UBR2: variants seen among roughly 807,000 people sequenced by gnomAD.
UBR2 encodes ubiquitin protein ligase E3 component n-recognin 2.
A neutral mutation model predicts 247.9 loss-of-function variants in UBR2; 92 were observed. That is an observed-to-expected ratio of 0.37 (90% CI 0.31 to 0.44). The LOEUF (loss-of-function observed/expected upper bound fraction) is 0.44. Among genes scored for constraint, UBR2 ranks in the 20% least tolerant of loss-of-function variants. UBR2 has a pLI of 1.00. For synonymous variants in UBR2, 672 were observed against 693.5 expected, an observed-to-expected ratio of 0.97 and a Z score of 0.49; for missense variants, 1,613 against 2,112.6, an observed-to-expected ratio of 0.76 and a Z score of 4.64.
Position 42,642,418 on chromosome 6 carries a change from T to G in UBR2, c.2034T>G (p.Ile678Met), listed in dbSNP as rs775501192. The G allele has an allele frequency of 6.2e-7, 1 of 1,600,174 alleles. No homozygotes were observed. Among genetic ancestry groups the G allele is most frequent in the South Asian group, 1.1e-5 (1 of 89,734 alleles). The change falls in exon 18 of 47, where the codon ATT becomes ATG. Residue 678 changes from isoleucine to methionine, a missense_variant and splice_region_variant. Ile to Met is a conservative substitution (Grantham distance 10, BLOSUM62 1). Coordinates refer to ENST00000372901, the MANE Select transcript of UBR2 (RefSeq NM_001363705.2). ...RRNGFSLVNQIYYYHNVKCRR... is the reference protein window; with the variant it reads ...RRNGFSLVNQMYYYHNVKCRR... Reference sequence around the variant, plus strand: ...AATATAATTACTTTTTTTTTTAGATTTATTACTACCATAATGTGAAATGCA... The same window carrying G: ...AATATAATTACTTTTTTTTTTAGATGTATTACTACCATAATGTGAAATGCA...
chr6:42,684,081 A>G (rs543615220), intron 43 of UBR2, among the ~76,000 whole-genome samples: 1 of 152,338 alleles, frequency 6.6e-6, no homozygotes. Flanking sequence ...GAATATCACA[A>G]TTTCATGTGA....
intron 17 of UBR2, among the ~76,000 whole-genome samples, chr6:42,642,116 T>G (rs996037571): frequency 4.4e-4 from 67 of 152,170 alleles, no homozygotes; most frequent in African/African-American, 1.5e-3. Flanking sequence ...TGGGGTGGTA[T>G]AGCCATAAAC....
At chr6:42,626,089 C>T (rs1424346192) in intron 11 of UBR2, among the ~76,000 whole-genome samples, 1 of 152,186 alleles carries the variant, frequency 6.6e-6, no homozygotes, top group Non-Finnish European at 1.5e-5. Context: ...GCTGGGATTA[C>T]AGGCGTGAGC....
At chr6:42,585,944 C>T (rs1174133250) in intron 2 of UBR2, among the ~76,000 whole-genome samples, 2 of 151,914 alleles carry the variant, frequency 1.3e-5, no homozygotes, top group Non-Finnish European at 2.9e-5. Context: ...TATTTTTTGA[C>T]CCACAGGTTA....
chr6:42,585,646 C>T (rs1331396475), intron 2 of UBR2, among the ~76,000 whole-genome samples: 1 of 151,980 alleles, frequency 6.6e-6, no homozygotes, highest in Non-Finnish European at 1.5e-5. Flanking sequence ...TTTATTTCAT[C>T]TTCTGTCAGT....
At chr6:42,616,607 C>T (rs1033790285) in intron 10 of UBR2, among the ~76,000 whole-genome samples, 21 of 149,254 alleles carry the variant, frequency 1.4e-4, no homozygotes, top group African/African-American at 5.2e-4. Flanking sequence ...GCAAATATTT[C>T]ATGCTAAGGA....
intron 20 of UBR2, 57 bp downstream of exon 20, chr6:42,644,593 A>G: frequency 2.1e-6 from 3 of 1,443,032 alleles, no homozygotes; most frequent in Non-Finnish European, 2.9e-6. Context: ...ATAGTAGCAA[A>G]TAGTTTGGAA....
chr6:42,581,001 GA>G (rs1791853590), intron 2 of UBR2, among the ~76,000 whole-genome samples: 6 of 122,604 alleles, frequency 4.9e-5, no homozygotes, highest in Admixed American at 4.5e-4. Context: ...GGTGGTTCTA[GA>G]ATTTTTTTTT....
At chr6:42,607,589 A>G (rs1025804378) in intron 7 of UBR2, among the ~76,000 whole-genome samples, 5 of 150,678 alleles carry the variant, frequency 3.3e-5, no homozygotes, top group African/African-American at 1.2e-4. Flanking sequence ...ATCTCCACTC[A>G]CTGCAACCTC....
In UBR2 at chr6:42,647,384, A is replaced by C. The variant is rs892194963; in HGVS notation, c.2410-734A>C. On this transcript the variant is annotated intron_variant, in intron 21 of 46. Transcript: ENST00000372901. ...ATCAGGAAGTCAGGAGTTTAAGACCAGCCTGGCCAACACAGTTAAACCCCA... is the reference window on the plus strand; with the variant it reads ...ATCAGGAAGTCAGGAGTTTAAGACCCGCCTGGCCAACACAGTTAAACCCCA... Among the ~76,000 whole-genome samples the C allele has an allele frequency of 2.7e-5, 4 of 147,280 alleles. No individual in the cohort carries two copies. The Admixed American group carries it at 2.8e-4, about 10-fold the overall frequency.
chr6:42,583,710 GAC>G (rs1792060142), intron 2 of UBR2, among the ~76,000 whole-genome samples: 1 of 151,914 alleles, frequency 6.6e-6, no homozygotes, highest in Non-Finnish European at 1.5e-5. Flanking sequence ...TTTTAGTAGA[GAC>G]AGGTTTTCAC....
chr6:42,615,878 C>T (rs1310038340), intron 9 of UBR2, 124 bp from the exon 10 acceptor site: 21 of 682,050 alleles, frequency 3.1e-5, no homozygotes, highest in Non-Finnish European at 4.2e-5. Flanking sequence ...GGCAACACAG[C>T]AAGACACTGT....
chr6:42,685,677 G>A (rs938905865), intron 44 of UBR2, among the ~76,000 whole-genome samples: 1 of 151,612 alleles, frequency 6.6e-6, no homozygotes, highest in Non-Finnish European at 1.5e-5. Context: ...CCAAAGTGCT[G>A]GGATTACAGG....
chr6:42,653,979 T>A (rs1471553745), intron 25 of UBR2, among the ~76,000 whole-genome samples: 1 of 152,114 alleles, frequency 6.6e-6, no homozygotes, highest in African/African-American at 2.4e-5. Flanking sequence ...AGCTTTGTTT[T>A]TCCAAGGCTA....
At chr6:42,678,434 C>A in intron 40 of UBR2, 105 bp from the exon 41 acceptor site, 1 of 1,273,742 alleles carries the variant, frequency 7.9e-7, no homozygotes, top group Non-Finnish European at 1.1e-6. Flanking sequence ...AACTTTTAAG[C>A]ATACATGCCA....
chr6:42,681,152 G>T (rs1326411615), intron 42 of UBR2, among the ~76,000 whole-genome samples: 6 of 126,278 alleles, frequency 4.8e-5, no homozygotes, highest in Admixed American at 9.1e-5. Flanking sequence ...GACAAAGCGA[G>T]ACTCCGTCTC....
intron 11 of UBR2, among the ~76,000 whole-genome samples, chr6:42,630,013 C>T (rs147383964): frequency 6.0e-4 from 92 of 152,066 alleles, no homozygotes; most frequent in African/African-American, 2.2e-3. Flanking sequence ...TCCTCAACCT[C>T]AGCCTCACAA....
At chr6:42,600,923 C>T (rs1019709858) in intron 4 of UBR2, among the ~76,000 whole-genome samples, 24 of 152,164 alleles carry the variant, frequency 1.6e-4, no homozygotes, top group Admixed American at 8.5e-4. Flanking sequence ...TTGCAAAGTG[C>T]TGGGATTATA....
chr6:42,645,948 A>C (rs1796726864), intron 21 of UBR2, among the ~76,000 whole-genome samples: 1 of 152,172 alleles, frequency 6.6e-6, no homozygotes, highest in South Asian at 2.1e-4. Context: ...ATATTGAGGA[A>C]GGGAGTCAGA....
Sources: allele counts gnomAD v4.1 joint callset (sites outside exome capture counted in the v4.1 genomes callset), GRCh38; gene constraint gnomAD v4.1.1; transcripts MANE v1.5; gene names NCBI Gene and HGNC (gene_info 2026-07-23, HGNC 2026-07-21).